ARHGAP6: variants seen among roughly 807,000 people sequenced by gnomAD.
The protein encoded by ARHGAP6 is Rho GTPase activating protein 6, also known as rho GTPase-activating protein 6.
Under a neutral mutation model 55.7 loss-of-function variants are expected in ARHGAP6, and 16 were observed. The ratio of observed to expected loss-of-function variants is 0.29; its 90% CI spans 0.19 to 0.44. The LOEUF (loss-of-function observed/expected upper bound fraction) is 0.44, where lower values mean the gene tolerates loss of function less well. ARHGAP6 is among the 20% of genes least tolerant of loss of function. The probability of loss-of-function intolerance (pLI) is 1.00; values close to 1 mark genes in which losing one functional copy is unlikely to be tolerated. For synonymous variants in ARHGAP6, 382 were observed against 360.9 expected (o/e 1.06, Z -0.66); for missense variants, 698 against 808.9 (o/e 0.86, Z 1.66).
chrX:11,482,662 A>G (rs1158164670), intron 1 of ARHGAP6, among the ~76,000 whole-genome samples: 1 of 111,331 alleles, frequency 9.0e-6, no homozygotes, highest in East Asian at 2.8e-4. Context: ...CTCAGCTCAT[A>G]TCCCCTCCAA....
chrX:11,175,364 A>G (rs1048627253), intron 8 of ARHGAP6, among the ~76,000 whole-genome samples: 3 of 112,156 alleles, frequency 2.7e-5, no homozygotes, highest in Non-Finnish European at 3.8e-5. Context: ...ATCTTTGGCT[A>G]TTAGTCTTTC....
At chrX:11,364,879 G>A (rs1250101562) in intron 1 of ARHGAP6, among the ~76,000 whole-genome samples, 1 of 110,661 alleles carries the variant, frequency 9.0e-6, no homozygotes, top group African/African-American at 3.3e-5. Context: ...CTCAGGTCCG[G>A]CACTGCTGCT....
intron 2 of ARHGAP6, among the ~76,000 whole-genome samples, chrX:11,202,677 G>C (rs1290614794): frequency 9.4e-6 from 1 of 106,391 alleles, no homozygotes; most frequent in Non-Finnish European, 1.9e-5. Context: ...GTGTGATTGT[G>C]GGCGCCTTTA....
At chrX:11,480,836 A>T (rs903130668) in intron 1 of ARHGAP6, among the ~76,000 whole-genome samples, 1 of 111,652 alleles carries the variant, frequency 9.0e-6, no homozygotes, top group South Asian at 3.7e-4. Flanking sequence ...TCTGGTTCCC[A>T]TGATGCTGCA....
chrX:11,590,869 G>GAAAGAAGGAAAGAAAGAAA lies in ARHGAP6; in HGVS notation c.588+73371_588+73372insTTTCTTTCTTTCCTTCTTT, dbSNP rs2051813205. Among the ~76,000 whole-genome samples the GAAAGAAGGAAAGAAAGAAA allele has an allele frequency of 9.9e-4, 24 of 24,221 alleles. 5 individuals carry two copies. The highest frequency in any genetic ancestry group is 4.7e-3 in the African/African-American group (22 of 4,716). 21.0% of individuals were successfully genotyped at this position (24,221 alleles called of 115,157 possible). A position where few individuals can be genotyped will look rare whatever the true frequency, so the allele number is the denominator to read the frequency against. ...AAGAAAAGAAAAGAAAAGAAAAGAA[G>GAAAGAAGGAAAGAAAGAAA]GAAAGAAAGAAAGAAAGAAAGAAAG... On this transcript the variant is annotated intron_variant, in intron 1 of 12. Transcript: ENST00000337414.
chrX:11,455,984 G>T (rs1163553001), intron 1 of ARHGAP6, among the ~76,000 whole-genome samples: 1 of 112,166 alleles, frequency 8.9e-6, no homozygotes, highest in African/African-American at 3.2e-5. Flanking sequence ...AGAATCCACA[G>T]ATAAATTATT....
intron 1 of ARHGAP6, among the ~76,000 whole-genome samples, chrX:11,444,494 T>C: frequency 8.9e-6 from 1 of 112,307 alleles, no homozygotes; most frequent in Non-Finnish European, 1.9e-5. Context: ...AAGTGTTAGG[T>C]TGAGGGCTTC....
intron 1 of ARHGAP6, among the ~76,000 whole-genome samples, chrX:11,357,938 G>A (rs1259496385): frequency 9.0e-6 from 1 of 111,691 alleles, no homozygotes; most frequent in Non-Finnish European, 1.9e-5. Context: ...GTACAATCCA[G>A]TAAGTTTTAG....
intron 1 of ARHGAP6, among the ~76,000 whole-genome samples, chrX:11,317,097 C>G (rs1056556602): frequency 6.2e-5 from 7 of 112,570 alleles, no homozygotes; most frequent in African/African-American, 2.3e-4. Context: ...AGGCCTAAAG[C>G]CTTTTGTACT....
intron 1 of ARHGAP6, among the ~76,000 whole-genome samples, chrX:11,269,081 A>G (rs1300355893): frequency 9.0e-6 from 1 of 111,674 alleles, no homozygotes; most frequent in Admixed American, 9.5e-5. Flanking sequence ...TGTCCCACCA[A>G]TTGTGGCCAA....
At position 11,335,749 on chromosome X, in the gene ARHGAP6, C is replaced by T. The variant is rs1190966906; in HGVS notation, c.589-81042G>A. 2.9e-5 allele frequency: 9 copies of T among 314,240 alleles called. No individual in the cohort carries two copies. The South Asian group carries it at 3.0e-4, about 10-fold the overall frequency. 25.9% of individuals were successfully genotyped at this position (314,240 alleles called of 1,213,427 possible). ...TCATCTTTTTGCTGTTGATTTCCCT[C>T]TTAAAGGCTTTGGTGGTTCCCAGGA... On this transcript the variant is annotated intron_variant, in intron 1 of 12. Coordinates refer to ENST00000337414, the MANE Select transcript of ARHGAP6 (RefSeq NM_013427.3).
intron 1 of ARHGAP6, among the ~76,000 whole-genome samples, chrX:11,612,179 C>T (rs946965882): frequency 9.9e-5 from 11 of 111,646 alleles, no homozygotes; most frequent in South Asian, 3.8e-4. Context: ...CATAATTCCA[C>T]GTGTCTGTTT....
At position 11,138,848 on chromosome X, in the gene ARHGAP6, C is replaced by T. The variant is rs764077892; in HGVS notation, c.*15G>A. On this transcript the variant is annotated 3_prime_UTR_variant, in exon 13 of 13. Coordinates refer to ENST00000337414, the MANE Select transcript of ARHGAP6 (RefSeq NM_013427.3). ...CGGGGGGCTCGGGGCAGGGGGGGCT[C>T]GGCTGGGTGCGGGCTCAGACCAGCG... is the stretch of plus-strand genomic sequence containing the variant. 1.5e-5 allele frequency: 18 copies of T among 1,167,135 alleles called. No homozygotes were observed. Among genetic ancestry groups the T allele is most frequent in the Middle Eastern group, 3.2e-4 (1 of 3,098 alleles).
At chrX:11,538,601 G>A (rs2051126714) in intron 1 of ARHGAP6, among the ~76,000 whole-genome samples, 1 of 111,008 alleles carries the variant, frequency 9.0e-6, no homozygotes, top group African/African-American at 3.3e-5. Flanking sequence ...CCTATAATGT[G>A]TACAATAAAA....
intron 1 of ARHGAP6, among the ~76,000 whole-genome samples, chrX:11,276,412 T>C (rs939201437): frequency 6.2e-5 from 7 of 112,376 alleles, no homozygotes; most frequent in African/African-American, 2.3e-4. Flanking sequence ...ATTCTGTCTA[T>C]ACAGAAAATC....
At chrX:11,171,478 C>T (rs1216228594) in intron 8 of ARHGAP6, among the ~76,000 whole-genome samples, 1 of 110,122 alleles carries the variant, frequency 9.1e-6, no homozygotes, top group African/African-American at 3.4e-5. Flanking sequence ...GTTTTTTAAC[C>T]ACAGTCAACT....
intron 1 of ARHGAP6, among the ~76,000 whole-genome samples, chrX:11,291,640 C>T (rs1234555073): frequency 9.0e-6 from 1 of 111,026 alleles, no homozygotes; most frequent in Non-Finnish European, 1.9e-5. Context: ...CTTCCTCTCC[C>T]TTACCACCTT....
At chrX:11,617,716 T>C (rs1396823735) in intron 1 of ARHGAP6, among the ~76,000 whole-genome samples, 2 of 111,348 alleles carry the variant, frequency 1.8e-5, no homozygotes, top group Admixed American at 9.6e-5. Flanking sequence ...GGGAGATACA[T>C]TGCAAGACAG....
intron 1 of ARHGAP6, among the ~76,000 whole-genome samples, chrX:11,490,072 AC>A (rs777089768): frequency 1.8e-5 from 2 of 109,648 alleles, no homozygotes; most frequent in African/African-American, 6.7e-5. Context: ...TCCTAAGATG[AC>A]CCCCCTCCAG....
Sources: gnomAD v4.1 joint callset for allele counts (sites outside exome capture counted in the v4.1 genomes callset) on GRCh38, gnomAD v4.1.1 for gene constraint, MANE v1.5 for transcripts, NCBI Gene and HGNC (gene_info 2026-07-23, HGNC 2026-07-21) for gene names.